SLC35D2: variants seen among roughly 807,000 people sequenced by gnomAD.
The protein encoded by SLC35D2 is solute carrier family 35 member D2, also known as nucleotide sugar transporter SLC35D2.
A neutral mutation model predicts 41.8 loss-of-function variants in SLC35D2; 43 were observed. The observed-to-expected ratio is 1.03, with a 90% CI of 0.81 to 1.33. The LOEUF is 1.33. SLC35D2 is among the 40% of genes most tolerant of loss of function. The pLI, the probability that SLC35D2 is intolerant of heterozygous loss-of-function variation, is 0.00. For missense variants in SLC35D2, 380 were observed against 408.4 expected (o/e 0.93, Z 0.60); for synonymous variants, 150 against 163.9 (o/e 0.92, Z 0.65).
chr9:96,324,709 T>C lies in SLC35D2; in HGVS notation c.753-540A>G, dbSNP rs568819055. Among the ~76,000 whole-genome samples, 22 of 152,178 alleles carry C rather than the reference T, an allele frequency of 1.4e-4. No individual in the cohort carries two copies. The South Asian group carries it at 1.5e-3, about 10-fold the overall frequency. Reference sequence around the variant, plus strand: ...CTGGGACTACAGGCTCATGCCGCCATACCCAGCTACTTTTTTTTGTATTTT... The same window carrying C: ...CTGGGACTACAGGCTCATGCCGCCACACCCAGCTACTTTTTTTTGTATTTT... On this transcript the variant is annotated intron_variant, in intron 9 of 11. Coordinates refer to ENST00000253270, the MANE Select transcript of SLC35D2 (RefSeq NM_007001.3).
rs749668782 is a variant in SLC35D2 at position 96,322,088 on chromosome 9, AAAAG to A, written c.832-12_832-9del. 14 of 1,543,894 alleles carry A rather than the reference AAAAG, an allele frequency of 9.1e-6. No individual in the cohort carries two copies. The highest frequency in any genetic ancestry group is 3.4e-4 in the Middle Eastern group (2 of 5,934). On this transcript the variant is annotated splice_polypyrimidine_tract_variant and intron_variant, in intron 10 of 11. Coordinates refer to ENST00000253270, the MANE Select transcript of SLC35D2 (RefSeq NM_007001.3). ...GTAGGCAACGGATACATTCTGCAGA[AAAAG>A]AGAGAGGATTCGTCATTTTAAAAGT...
At chr9:96,377,981 C>T (rs1281685881) in intron 1 of SLC35D2, among the ~76,000 whole-genome samples, 2 of 152,142 alleles carry the variant, frequency 1.3e-5, no homozygotes, top group Non-Finnish European at 2.9e-5. Context: ...GCAACATCTT[C>T]GGGACAGAGT....
chr9:96,366,516 G>GAT (rs1830479885), intron 2 of SLC35D2, among the ~76,000 whole-genome samples: 1 of 117,564 alleles, frequency 8.5e-6, no homozygotes, highest in Non-Finnish European at 1.7e-5. Flanking sequence ...CCTTATCACT[G>GAT]ATTTTTTTTT....
intron 11 of SLC35D2, among the ~76,000 whole-genome samples, chr9:96,321,792 CG>C (rs1392769391): frequency 1.3e-5 from 2 of 152,134 alleles, no homozygotes; most frequent in Non-Finnish European, 2.9e-5. Flanking sequence ...ATCCCAGCCC[CG>C]CAAACTGCCA....
chr9:96,344,727 A>G (rs71491744), intron 7 of SLC35D2, among the ~76,000 whole-genome samples: 4 of 41,192 alleles, frequency 9.7e-5, no homozygotes, highest in Non-Finnish European at 1.5e-4. Flanking sequence ...TGGGGGAGGG[A>G]TGGGGGAGGG....
intron 2 of SLC35D2, among the ~76,000 whole-genome samples, chr9:96,366,014 A>G (rs1346381589): frequency 2.0e-5 from 3 of 152,208 alleles, no homozygotes; most frequent in South Asian, 2.1e-4. Context: ...AAGAAATACA[A>G]TAACATTGGC....
chr9:96,359,279 G>A (rs898971765), intron 4 of SLC35D2, among the ~76,000 whole-genome samples: 1 of 150,308 alleles, frequency 6.7e-6, no homozygotes, highest in Non-Finnish European at 1.5e-5. Context: ...ACTCACTCTA[G>A]CCTGGGCGAC....
intron 3 of SLC35D2, among the ~76,000 whole-genome samples, chr9:96,363,581 C>T (rs142441637): frequency 1.1e-3 from 173 of 152,272 alleles, no homozygotes; most frequent in East Asian, 3.1e-3. Flanking sequence ...CCACAGTCCA[C>T]GAAGGAATGG....
chr9:96,318,388 A>G (rs10820332), downstream of SLC35D2, among the ~76,000 whole-genome samples: 81,263 of 150,836 alleles, frequency 0.54, 21,996 homozygotes, highest in African/African-American at 0.61. Context: ...AGCCTGGAAG[A>G]TGGAGACTGC....
At chr9:96,324,314 TTAAGA>T (rs1828404773) in intron 9 of SLC35D2, 145 bp from the exon 10 acceptor site, 1 of 581,310 alleles carries the variant, frequency 1.7e-6, no homozygotes, top group African/African-American at 1.9e-5. Flanking sequence ...AACCCACATC[TTAAGA>T]TATGTTGCTA....
intron 9 of SLC35D2, among the ~76,000 whole-genome samples, chr9:96,333,366 G>A (rs1197982968): frequency 6.6e-6 from 1 of 151,460 alleles, no homozygotes; most frequent in African/African-American, 2.4e-5. Flanking sequence ...GGAGGCTGAG[G>A]CGGGTGGACC....
chr9:96,322,161 A>AATGTCTAGTTT, intron 10 of SLC35D2, 81 bp from the exon 11 acceptor site: 1 of 884,188 alleles, frequency 1.1e-6, no homozygotes, highest in Non-Finnish European at 1.8e-6. Context: ...CTGAAACTAG[A>AATGTCTAGTTT]CATTTTAGTT....
At chr9:96,344,705 A>C (rs1829496393) in intron 7 of SLC35D2, among the ~76,000 whole-genome samples, 1 of 128,688 alleles carries the variant, frequency 7.8e-6, no homozygotes, top group Non-Finnish European at 1.6e-5. Flanking sequence ...GCTTCCTTGT[A>C]ACAGCTGGGG....
At chr9:96,363,157 C>T (rs943379483) in intron 3 of SLC35D2, among the ~76,000 whole-genome samples, 1 of 151,040 alleles carries the variant, frequency 6.6e-6, no homozygotes, top group African/African-American at 2.4e-5. Context: ...GTGAGCCACC[C>T]CACCTGGCTT....
chr9:96,329,697 G>A (rs1041580900), intron 9 of SLC35D2, among the ~76,000 whole-genome samples: 15 of 148,072 alleles, frequency 1.0e-4, no homozygotes, highest in Non-Finnish European at 3.0e-5. Context: ...CTGCTTTTGC[G>A]GCACCAATAA....
downstream of SLC35D2, among the ~76,000 whole-genome samples, chr9:96,320,436 A>C (rs1034447216): frequency 5.9e-5 from 9 of 152,144 alleles, no homozygotes; most frequent in South Asian, 4.2e-4. Flanking sequence ...GAATCACTTG[A>C]ACCCGGGTGG....
chr9:96,333,822 T>G (rs923580369), intron 9 of SLC35D2, among the ~76,000 whole-genome samples: 16 of 152,052 alleles, frequency 1.1e-4, no homozygotes, highest in African/African-American at 3.6e-4. Context: ...TCTCATCAAG[T>G]TTACAATGAC....
chr9:96,376,992 A>C (rs1406756118), intron 1 of SLC35D2, among the ~76,000 whole-genome samples: 1 of 150,720 alleles, frequency 6.6e-6, no homozygotes, highest in African/African-American at 2.4e-5. Flanking sequence ...CAAGTGCTGA[A>C]AGAAGCAAGC....
intron 9 of SLC35D2, among the ~76,000 whole-genome samples, chr9:96,334,193 G>A (rs7873712): frequency 3.0e-4 from 45 of 152,242 alleles, no homozygotes; most frequent in African/African-American, 1.1e-3. Flanking sequence ...CAAACTCTAG[G>A]GGGAGGAGGG....
Sources: allele counts gnomAD v4.1 joint callset (sites outside exome capture counted in the v4.1 genomes callset), GRCh38; gene constraint gnomAD v4.1.1; transcripts MANE v1.5; gene names NCBI Gene and HGNC (gene_info 2026-07-23, HGNC 2026-07-21).